OSBP2: variants seen among roughly 807,000 people sequenced by gnomAD.
OSBP2 encodes the protein oxysterol binding protein 2.
OSBP2 carries 66 observed loss-of-function variants against 96.0 expected under a neutral mutation model. The observed-to-expected ratio is 0.69, with a 90% CI of 0.56 to 0.84. OSBP2 has a LOEUF of 0.84. OSBP2 is among the 40% of genes least tolerant of loss of function. OSBP2 has a pLI of 0.00. For synonymous variants in OSBP2, 525 were observed against 520.9 expected (o/e 1.01, Z -0.11); for missense variants, 1,038 against 1,222.7 (o/e 0.85, Z 2.25).
intron 2 of OSBP2, among the ~76,000 whole-genome samples, chr22:30,815,111 A>G (rs136234): frequency 0.76 from 116,342 of 152,084 alleles, 45,419 homozygotes; most frequent in African/African-American, 0.93. Flanking sequence ...GTGAAACCCC[A>G]TCTCTACAAA....
At chr22:30,793,021 C>G (rs2145828907) in intron 2 of OSBP2, among the ~76,000 whole-genome samples, 1 of 152,326 alleles carries the variant, frequency 6.6e-6, no homozygotes, top group South Asian at 2.1e-4. Context: ...TCTGCTCCAT[C>G]CAGTCCACCA....
chr22:30,905,803 G>A (rs2147202614), intron 12 of OSBP2, 34 bp from the exon 13 acceptor site: 3 of 1,606,440 alleles, frequency 1.9e-6, no homozygotes, highest in East Asian at 4.5e-5. Context: ...GGCTCACACC[G>A]CAGCCACCGC....
chr22:30,730,381 T>C (rs577806542), intron 1 of OSBP2, among the ~76,000 whole-genome samples: 3 of 152,236 alleles, frequency 2.0e-5, no homozygotes, highest in Non-Finnish European at 4.4e-5. Flanking sequence ...ACCTCCCTTA[T>C]TTTGAATTTA....
intron 2 of OSBP2, among the ~76,000 whole-genome samples, chr22:30,830,492 A>G (rs944519399): frequency 3.3e-5 from 5 of 152,208 alleles, no homozygotes; most frequent in African/African-American, 1.2e-4. Context: ...GGTCAGGCCC[A>G]CTGGGTGCAT....
At chr22:30,809,025 A>G (rs1260272362) in intron 2 of OSBP2, among the ~76,000 whole-genome samples, 1 of 152,232 alleles carries the variant, frequency 6.6e-6, no homozygotes, top group Non-Finnish European at 1.5e-5. Flanking sequence ...AGAGAGGGGA[A>G]GGTCATGTGA....
chr22:30,713,235 C>A (rs186586725), intron 1 of OSBP2, among the ~76,000 whole-genome samples: 161 of 151,826 alleles, frequency 1.1e-3, no homozygotes, highest in African/African-American at 3.8e-3. Context: ...CCCGCCACCA[C>A]GCCCGGCTAA....
intron 2 of OSBP2, among the ~76,000 whole-genome samples, chr22:30,805,846 A>C (rs1163390876): frequency 1.3e-5 from 2 of 152,218 alleles, no homozygotes; most frequent in Non-Finnish European, 2.9e-5. Context: ...CTCCAGGAGA[A>C]TGGAGCCTAG....
Position 30,850,360 on chromosome 22 carries a change from C to G in OSBP2, c.854-20069C>G, listed in dbSNP as rs999352208. Among the ~76,000 whole-genome samples, 5 of 151,344 alleles carry G rather than the reference C, an allele frequency of 3.3e-5. No individual in the cohort carries two copies. In the East Asian group the frequency reaches 7.8e-4, roughly 23 times the overall value. ...ACATATGTGCATGTCTATTTCTGAA[C>G]TCTGCTATGTTCCATTATAAGTCCA... On this transcript the variant is annotated intron_variant, in intron 2 of 13. Transcript: ENST00000332585.
intron 2 of OSBP2, among the ~76,000 whole-genome samples, chr22:30,818,943 TG>T (rs1269454584): frequency 2.0e-5 from 3 of 152,122 alleles, no homozygotes; most frequent in Non-Finnish European, 2.9e-5. Context: ...ACAGGATATT[TG>T]GGGTAAGTGA....
At chr22:30,841,473 C>T (rs1034042957) in intron 2 of OSBP2, among the ~76,000 whole-genome samples, 5 of 152,166 alleles carry the variant, frequency 3.3e-5, no homozygotes, top group Admixed American at 2.0e-4. Context: ...AGAGCTTATG[C>T]GTGTTGCTAC....
intron 2 of OSBP2, among the ~76,000 whole-genome samples, chr22:30,790,510 T>C (rs2090658636): frequency 6.6e-6 from 1 of 152,044 alleles, no homozygotes; most frequent in African/African-American, 2.4e-5. Flanking sequence ...TTGGAGAGAT[T>C]GTGTGTGTGC....
intron 1 of OSBP2, among the ~76,000 whole-genome samples, chr22:30,717,449 T>C (rs1220571997): frequency 1.3e-5 from 2 of 152,138 alleles, no homozygotes; most frequent in Admixed American, 6.5e-5. Context: ...GAAAAACGCC[T>C]ACACTAAGGG....
chr22:30,817,613 TG>T (rs1158012346), intron 2 of OSBP2, among the ~76,000 whole-genome samples: 2 of 152,240 alleles, frequency 1.3e-5, no homozygotes, highest in African/African-American at 2.4e-5. Context: ...GACAGGTGGG[TG>T]ATGTGGTTCG....
At chr22:30,866,007 C>T (rs540303360) in intron 2 of OSBP2, among the ~76,000 whole-genome samples, 7 of 152,264 alleles carry the variant, frequency 4.6e-5, no homozygotes, top group Admixed American at 2.6e-4. Flanking sequence ...CATCCAGGGA[C>T]GAGTCCCGGG....
chr22:30,905,134 C>CTTTTT lies in OSBP2; in HGVS notation c.2376-677_2376-673dup, dbSNP rs566334052. On this transcript the variant is annotated intron_variant, in intron 12 of 13. Transcript: ENST00000332585. ...GCCTGGGCCACAGAGCGAGACCCGTCTTTTTTTTTTTTTTTTTTTTTTTTT... is the reference window on the plus strand; with the variant it reads ...GCCTGGGCCACAGAGCGAGACCCGTCTTTTTTTTTTTTTTTTTTTTTTTTTTTTTT... Among the ~76,000 whole-genome samples the CTTTTT allele has an allele frequency of 7.0e-4, 48 of 68,728 alleles. 3 individuals are homozygous for CTTTTT. Among genetic ancestry groups the CTTTTT allele is most frequent in the Non-Finnish European group, 1.1e-3 (41 of 37,378 alleles). 45.1% of individuals were successfully genotyped at this position (68,728 alleles called of 152,430 possible).
intron 1 of OSBP2, among the ~76,000 whole-genome samples, chr22:30,716,658 G>A (rs569145630): frequency 1.1e-4 from 16 of 151,998 alleles, no homozygotes; most frequent in Non-Finnish European, 1.9e-4. Context: ...GGCTGGTCTC[G>A]AACTCCTGAC....
Position 30,906,283 on chromosome 22 carries a change from G to A in OSBP2, c.2695G>A (p.Gly899Ser), listed in dbSNP as rs2040336934. The A allele has an allele frequency of 1.2e-6, 2 of 1,613,886 alleles. No individual in the cohort carries two copies. Among genetic ancestry groups the A allele is most frequent in the Non-Finnish European group, 1.7e-6 (2 of 1,179,862 alleles). ...GGAGATGGCCTGTGTGTACAAGGGCGGCTACTGGGAGGCCAAGGAGAAGCA... is the reference window on the plus strand; with the variant it reads ...GGAGATGGCCTGTGTGTACAAGGGCAGCTACTGGGAGGCCAAGGAGAAGCA... ...TGEMACVYKGGYWEAKEKQDW... is the reference protein window; with the variant it reads ...TGEMACVYKGSYWEAKEKQDW... Residue 899 changes from glycine to serine, a missense_variant, in exon 14 of 14, where the codon GGC (glycine) becomes AGC (serine). Gly to Ser is a moderately conservative substitution (Grantham distance 56). Transcript: ENST00000332585.
chr22:30,739,928 C>T (rs943311160), intron 1 of OSBP2, among the ~76,000 whole-genome samples: 1 of 152,100 alleles, frequency 6.6e-6, no homozygotes, highest in Non-Finnish European at 1.5e-5. Context: ...CAACCTCTGC[C>T]TCCCCGGTCC....
chr22:30,870,350 C>A lies in OSBP2; in HGVS notation c.854-79C>A, dbSNP rs555823023. On this transcript the variant is annotated intron_variant, in intron 2 of 13. Transcript: ENST00000332585. The surrounding 1 kb of genome is among the most constrained non-coding windows in gnomAD (Gnocchi z 4.1). ...TTTTGAATGGCGCTATCCACCCTGC[C>A]CTGCTCGGCCTGGCTGTGCAGGCCT... 1.8e-5 allele frequency: 26 copies of A among 1,459,944 alleles called. 1 individual carries two copies. In the South Asian group the frequency reaches 2.9e-4, roughly 16 times the overall value. The allele number at this position is 1,459,944 out of a possible 1,614,324, so 90.4% of individuals were successfully genotyped here. A position where few individuals can be genotyped will look rare whatever the true frequency, so the allele number is the denominator to read the frequency against.
Sources: allele counts gnomAD v4.1 joint callset (sites outside exome capture counted in the v4.1 genomes callset), GRCh38; gene constraint gnomAD v4.1.1; non-coding constraint Gnocchi (gnomAD v3.1); transcripts MANE v1.5; gene names NCBI Gene and HGNC (gene_info 2026-07-23, HGNC 2026-07-21).